GRIN2D: variants seen among roughly 807,000 people sequenced by gnomAD.
GRIN2D encodes glutamate ionotropic receptor NMDA type subunit 2D.
A neutral mutation model predicts 103.2 loss-of-function variants in GRIN2D; 37 were observed. The observed-to-expected ratio is 0.36, with a 90% CI of 0.28 to 0.47. GRIN2D has a LOEUF of 0.47. Among genes scored for constraint, GRIN2D ranks in the 20% least tolerant of loss-of-function variants. GRIN2D has a pLI of 1.00. For missense variants in GRIN2D, 1,557 were observed against 1,910.6 expected (o/e 0.81, Z 3.45); for synonymous variants, 845 against 885.6 (o/e 0.95, Z 0.81).
At position 48,405,250 on chromosome 19, in the gene GRIN2D, G is replaced by T. The variant is rs1422343054; in HGVS notation, c.982G>T (p.Ala328Ser). 1.3e-6 allele frequency: 2 copies of T among 1,598,200 alleles called. No homozygotes were observed. The highest frequency in any genetic ancestry group is 8.5e-7 in the Non-Finnish European group (1 of 1,177,384). Residue 328 changes from alanine (A) to serine (S), a missense_variant, in exon 4 of 14, where the codon GCC becomes TCC. This residue lies in a region of GRIN2D where 490 missense variants were observed against 601.1 expected (regional missense o/e 0.82). Transcript: ENST00000263269. The surrounding 1 kb of genome is among the most constrained non-coding windows in gnomAD (Gnocchi z 5.1). ...AGTGGCAGCTGGCGTGGCCGTAGTG[G>T]CCAGAGGTGCCCAGGCCCTGCTGCG... ...RRVAAGVAVV[A>S]RGAQALLRDY...
At chr19:48,413,943 A>G (rs770697092) in intron 4 of GRIN2D, 48 bp from the exon 5 acceptor site, 1 of 1,073,308 alleles carries the variant, frequency 9.3e-7, no homozygotes, top group African/African-American at 1.5e-5. Context: ...TCCGCTGCCA[A>G]GGTCCAGCCC....
chr19:48,439,137 C>T (rs1384722814), intron 11 of GRIN2D, among the ~76,000 whole-genome samples: 1 of 150,292 alleles, frequency 6.7e-6, no homozygotes, highest in Non-Finnish European at 1.5e-5. Context: ...GCCTGTAATC[C>T]CAGCATTTTG....
intron 2 of GRIN2D, among the ~76,000 whole-genome samples, chr19:48,396,620 C>T (rs1193683440): frequency 1.3e-5 from 2 of 151,668 alleles, no homozygotes; most frequent in Admixed American, 1.3e-4. Flanking sequence ...AAAGGAGGAG[C>T]GAAGAGAAGC....
rs567986378 is a variant in GRIN2D at position 48,412,081 on chromosome 19, C to T, written c.1086-1910C>T. 1.5e-4 allele frequency among the ~76,000 whole-genome samples: 22 copies of T among 151,402 alleles called. 1 individual carries two copies. Among genetic ancestry groups the T allele is most frequent in the Non-Finnish European group, 1.6e-4 (11 of 67,886 alleles). On this transcript the variant is annotated intron_variant, in intron 4 of 13. Coordinates refer to ENST00000263269, the MANE Select transcript of GRIN2D (RefSeq NM_000836.4). ...GTGGCTCATGCCTGTAATCCCAGCA[C>T]TTTGGAAGGCCGAGGCAGGCGGATC...
chr19:48,424,421 C>T (rs994100514), intron 11 of GRIN2D, among the ~76,000 whole-genome samples: 8 of 151,196 alleles, frequency 5.3e-5, no homozygotes, highest in Non-Finnish European at 7.4e-5. Flanking sequence ...CAGGCGCCCA[C>T]CACCACGCCC....
intron 11 of GRIN2D, 87 bp from the exon 12 acceptor site, chr19:48,441,682 T>G (rs1049016601): frequency 1.9e-6 from 2 of 1,049,748 alleles, no homozygotes; most frequent in African/African-American, 3.2e-5. Flanking sequence ...TTGGAGCAGT[T>G]GGAGGTTACA....
intron 11 of GRIN2D, among the ~76,000 whole-genome samples, chr19:48,435,041 T>G (rs955474201): frequency 1.3e-5 from 2 of 152,216 alleles, no homozygotes; most frequent in African/African-American, 4.8e-5. Context: ...CTTTGGGATT[T>G]TTCTATATAC....
Position 48,421,324 on chromosome 19 carries a change from A to G in GRIN2D, c.2092-461A>G, listed in dbSNP as rs1256822697. 6.6e-6 allele frequency among the ~76,000 whole-genome samples: 1 copy of G among 152,020 alleles called. No homozygotes were observed. The highest frequency in any genetic ancestry group is 6.6e-5 in the Admixed American group (1 of 15,232). On this transcript the variant is annotated intron_variant, in intron 10 of 13. Coordinates refer to ENST00000263269, the MANE Select transcript of GRIN2D (RefSeq NM_000836.4). This position sits in a 1 kb window ranked among gnomAD's most constrained non-coding sequence, Gnocchi z 4.8. The stretch of plus-strand genomic sequence containing the variant: ...GTGCCTGTAATCCCAGCTACTCGGG[A>G]GGCTGAGGCAGGAGAATCAGTTGAA...
At chr19:48,426,981 C>T (rs900314158) in intron 11 of GRIN2D, among the ~76,000 whole-genome samples, 9 of 152,040 alleles carry the variant, frequency 5.9e-5, no homozygotes, top group East Asian at 1.9e-4. Context: ...TGGAACTACC[C>T]GGTCATAGGG....
At chr19:48,396,795 G>T (rs1037884071) in intron 2 of GRIN2D, among the ~76,000 whole-genome samples, 9 of 152,022 alleles carry the variant, frequency 5.9e-5, no homozygotes, top group Non-Finnish European at 1.0e-4. Flanking sequence ...CTGTCTGTGG[G>T]GTGGACGAGG....
intron 11 of GRIN2D, among the ~76,000 whole-genome samples, chr19:48,429,784 C>T (rs1971134359): frequency 6.6e-6 from 1 of 151,486 alleles, no homozygotes; most frequent in Admixed American, 6.6e-5. Context: ...GTCTTGAATT[C>T]CCAGGCTCAA....
At position 48,404,944 on chromosome 19, in the gene GRIN2D, G is replaced by C. The variant is rs1970766242; in HGVS notation, c.676G>C (p.Gly226Arg). The C allele has an allele frequency of 6.2e-7, 1 of 1,612,842 alleles. No homozygotes were observed. Residue 226 changes from glycine (G) to arginine (R), a missense_variant, in exon 4 of 14, where the codon GGG (glycine) becomes CGG (arginine). Coordinates refer to ENST00000263269, the MANE Select transcript of GRIN2D (RefSeq NM_000836.4). The part of the protein sequence containing the change: ...EHRGALTLDP[G>R]AGEAVLSAQL... ...CCGCGGAGCGCTGACGCTGGACCCT[G>C]GGGCGGGCGAGGCCGTGCTCAGTGC...
At position 48,442,638 on chromosome 19, in the gene GRIN2D, G is replaced by A. The variant is rs778517335; in HGVS notation, c.2712G>A (p.Pro904=). The A allele has an allele frequency of 1.2e-4, 172 of 1,472,756 alleles. 2 individuals carry two copies. Among genetic ancestry groups the A allele is most frequent in the South Asian group, 5.8e-4 (46 of 79,042 alleles). The allele number at this position is 1,472,756 out of a possible 1,614,324, so 91.2% of individuals were successfully genotyped here. Residue 904 remains proline, a synonymous_variant, in exon 14 of 14, where the codon CCG becomes CCA. Coordinates refer to ENST00000263269, the MANE Select transcript of GRIN2D (RefSeq NM_000836.4). This position sits in a 1 kb window ranked among gnomAD's most constrained non-coding sequence, Gnocchi z 7.2. Reference sequence around the variant, plus strand: ...GCTGCAGCGCTGAGGCCGCCCCACCGCCCGCCAAGCCCCCGCCGCCGCCAC... The same window carrying A: ...GCTGCAGCGCTGAGGCCGCCCCACCACCCGCCAAGCCCCCGCCGCCGCCAC... ...YSCCSAEAAP[P]PAKPPPPPQP...
rs1970596729 is a variant in GRIN2D at position 48,393,941 on chromosome 19, C to T, written c.-306+73C>T. ...GGTGTGTCTGTAAGCGCTGCGGCGG[C>T]GGAGGGAGGGAGGGGTCTGTCTGTC... On this transcript the variant is annotated intron_variant, in intron 1 of 13. Coordinates refer to ENST00000263269, the MANE Select transcript of GRIN2D (RefSeq NM_000836.4). This position sits in a 1 kb window ranked among gnomAD's most constrained non-coding sequence, Gnocchi z 5.6. Among the ~76,000 whole-genome samples, 1 of 151,940 alleles carries T rather than the reference C, an allele frequency of 6.6e-6. No homozygotes were observed. Among genetic ancestry groups the T allele is most frequent in the African/African-American group, 2.4e-5 (1 of 41,432 alleles).
At position 48,443,375 on chromosome 19, in the gene GRIN2D, G is replaced by A; in HGVS notation, c.3449G>A (p.Gly1150Asp). The A allele has an allele frequency of 2.0e-6, 3 of 1,485,922 alleles. No homozygotes were observed. The highest frequency in any genetic ancestry group is 2.7e-6 in the Non-Finnish European group (3 of 1,125,246). 92.0% of individuals were successfully genotyped at this position (1,485,922 alleles called of 1,614,324 possible). A position where few individuals can be genotyped will look rare whatever the true frequency, so the allele number is the denominator to read the frequency against. Residue 1150 changes from glycine (G) to aspartate (D), a missense_variant, in exon 14 of 14, where the codon GGC (glycine) becomes GAC (aspartate). By Grantham distance (94) the Gly-to-Asp change is moderately conservative. Around this residue, in one of 7 missense-constraint regions of GRIN2D, gnomAD observed 632 missense variants for 572.8 expected, o/e 1.10. Transcript: ENST00000263269. This position sits in a 1 kb window ranked among gnomAD's most constrained non-coding sequence, Gnocchi z 8.9. ...PYAERLGPPP[G>D]RYWSVDKLGG... ...GCCGAGCGCCTCGGGCCGCCGCCCG[G>A]CCGCTACTGGTCGGTCGACAAGCTC...
chr19:48,402,696 C>T, intron 3 of GRIN2D, among the ~76,000 whole-genome samples: 1 of 130,122 alleles, frequency 7.7e-6, no homozygotes, highest in Non-Finnish European at 1.5e-5. Flanking sequence ...CGCAGTCCGG[C>T]CTGGGCGACA....
At chr19:48,413,661 CAA>C (rs11368422) in intron 4 of GRIN2D, among the ~76,000 whole-genome samples, 2 of 57,300 alleles carry the variant, frequency 3.5e-5, no homozygotes, top group African/African-American at 6.7e-5. Flanking sequence ...GACTCTGTCT[CAA>C]AAAAAAAAAA....
chr19:48,419,546 G>A, intron 9 of GRIN2D, 39 bp from the exon 10 acceptor site: 3 of 1,478,610 alleles, frequency 2.0e-6, no homozygotes, highest in Non-Finnish European at 1.9e-6. Context: ...TTATTGAGAA[G>A]GGATTTGGGG....
chr19:48,431,345 A>G (rs2147465977), intron 11 of GRIN2D, among the ~76,000 whole-genome samples: 1 of 152,310 alleles, frequency 6.6e-6, no homozygotes, highest in South Asian at 2.1e-4. Context: ...TGCAAATCTG[A>G]AAAGTCTTTT....
Sources: gnomAD v4.1 joint callset for allele counts (sites outside exome capture counted in the v4.1 genomes callset) on GRCh38, gnomAD v4.1.1 for gene constraint, gnomAD v4.1.1 regional missense constraint, Gnocchi (gnomAD v3.1) non-coding constraint, MANE v1.5 for transcripts, NCBI Gene and HGNC (gene_info 2026-07-23, HGNC 2026-07-21) for gene names.